Variants in SREBF2 observed in about 807,000 individuals in gnomAD.
SREBF2 encodes the protein sterol regulatory element-binding protein 2.
A neutral mutation model predicts 113.1 loss-of-function variants in SREBF2; 55 were observed. The ratio of observed to expected loss-of-function variants is 0.49; its 90% CI spans 0.39 to 0.61. The LOEUF is 0.61. SREBF2 is among the 20% of genes least tolerant of loss of function. The pLI is 0.00. For synonymous variants in SREBF2, 593 were observed against 605.7 expected (o/e 0.98, Z 0.31); for missense variants, 1,349 against 1,487.4 (o/e 0.91, Z 1.53).
At chr22:41,881,827 T>G (rs991934820) in intron 10 of SREBF2, among the ~76,000 whole-genome samples, 1 of 152,142 alleles carries the variant, frequency 6.6e-6, no homozygotes, top group Non-Finnish European at 1.5e-5. Flanking sequence ...GTCCCAGCAC[T>G]TTGGGAGACT....
At position 41,905,766 on chromosome 22, in the gene SREBF2, C is replaced by T. The variant is rs1374655370; in HGVS notation, c.*106C>T. ...GGAAGAGCCTTGTCTTCTTAGCTGT[C>T]ACCTGCCGAGGCTTCTGGGCCACTC... On this transcript the variant is annotated 3_prime_UTR_variant, in exon 19 of 19. Coordinates refer to ENST00000361204, the MANE Select transcript of SREBF2 (RefSeq NM_004599.4). 2.3e-6 allele frequency: 3 copies of T among 1,321,778 alleles called. No individual in the cohort carries two copies. The highest frequency in any genetic ancestry group is 2.5e-5 in the South Asian group (2 of 78,814). 81.9% of individuals were successfully genotyped at this position (1,321,778 alleles called of 1,614,324 possible). A position where few individuals can be genotyped will look rare whatever the true frequency, so the allele number is the denominator to read the frequency against.
Position 41,905,805 on chromosome 22 carries a change from C to T in SREBF2, c.*145C>T. On this transcript the variant is annotated 3_prime_UTR_variant, in exon 19 of 19. Transcript: ENST00000361204. Reference sequence around the variant, plus strand: ...TCTGGGCCACTCAGGCCAGTGCACCCCTGGGCAGAGCCCCTTAAAGCTGCT... The same window carrying T: ...TCTGGGCCACTCAGGCCAGTGCACCTCTGGGCAGAGCCCCTTAAAGCTGCT... The T allele has an allele frequency of 1.1e-6, 1 of 922,814 alleles. No homozygotes were observed. Among genetic ancestry groups the T allele is most frequent in the Non-Finnish European group, 1.7e-6 (1 of 577,278 alleles). The allele number at this position is 922,814 out of a possible 1,614,324, so 57.2% of individuals were successfully genotyped here.
intron 7 of SREBF2, among the ~76,000 whole-genome samples, chr22:41,876,551 C>T (rs138153764): frequency 7.9e-5 from 12 of 152,206 alleles, no homozygotes; most frequent in Non-Finnish European, 1.6e-4. Context: ...CACATTGGGG[C>T]GCAGGGGAGA....
intron 17 of SREBF2, chr22:41,904,602 G>A (rs1034126852): frequency 3.1e-6 from 2 of 655,436 alleles, no homozygotes; most frequent in African/African-American, 3.6e-5. Flanking sequence ...TGCGTCCAGG[G>A]CTTTCTTGTC....
At chr22:41,891,908 A>C (rs1301412235) in intron 11 of SREBF2, among the ~76,000 whole-genome samples, 3 of 152,222 alleles carry the variant, frequency 2.0e-5, no homozygotes, top group African/African-American at 7.2e-5. Flanking sequence ...AAAACGTGGT[A>C]GATGGTATTG....
intron 15 of SREBF2, chr22:41,900,016 A>G (rs2077451581): frequency 1.6e-6 from 2 of 1,284,900 alleles, no homozygotes; most frequent in Non-Finnish European, 2.0e-6. Context: ...TGGCCACTTT[A>G]TAGGTAAGGA....
At position 41,868,501 on chromosome 22, in the gene SREBF2, G is replaced by C. The variant is rs967052691; in HGVS notation, c.539-110G>C. The C allele has an allele frequency of 6.9e-4, 858 of 1,236,388 alleles. 5 individuals carry two copies. The highest frequency in any genetic ancestry group is 6.5e-3 in the Middle Eastern group (34 of 5,262). 76.6% of individuals were successfully genotyped at this position (1,236,388 alleles called of 1,614,324 possible). Reference sequence around the variant, plus strand: ...GCTGTGCACATCATCTTCAGCAGTAGGTGGGGAGTTGGAATCATTATGAGA... The same window carrying C: ...GCTGTGCACATCATCTTCAGCAGTACGTGGGGAGTTGGAATCATTATGAGA... On this transcript the variant is annotated intron_variant, in intron 2 of 18. Coordinates refer to ENST00000361204, the MANE Select transcript of SREBF2 (RefSeq NM_004599.4).
chr22:41,853,867 C>G (rs1014097286), intron 1 of SREBF2, among the ~76,000 whole-genome samples: 2 of 151,844 alleles, frequency 1.3e-5, no homozygotes, highest in Non-Finnish European at 2.9e-5. Context: ...AACCCCGTCT[C>G]TACTAAAAAT....
At chr22:41,890,672 A>ATT (rs376557873) in intron 11 of SREBF2, among the ~76,000 whole-genome samples, 2,803 of 147,360 alleles carry the variant, frequency 0.019, 85 homozygotes, top group African/African-American at 0.062. Flanking sequence ...TTAAAAAAAA[A>ATT]TTTTTTTTTT....
Position 41,900,604 on chromosome 22 carries a change from C to T in SREBF2, c.2907+106C>T, listed in dbSNP as rs560690965. On this transcript the variant is annotated intron_variant, in intron 16 of 18. Transcript: ENST00000361204. ...CCTGCGGGTGGGGCCATCCGAAAGA[C>T]AGAGAAACCAGGACAGCAGCCCCCT... The T allele has an allele frequency of 1.1e-5, 13 of 1,192,956 alleles. No individual in the cohort carries two copies. In the East Asian group the frequency reaches 3.2e-4, roughly 30 times the overall value. The allele number at this position is 1,192,956 out of a possible 1,614,324, so 73.9% of individuals were successfully genotyped here.
At position 41,873,701 on chromosome 22, in the gene SREBF2, C is replaced by G. The variant is rs956104796; in HGVS notation, c.868-97C>G. 4.8e-6 allele frequency: 6 copies of G among 1,241,284 alleles called. No homozygotes were observed. The East Asian group carries it at 1.3e-4, about 26-fold the overall frequency. 76.9% of individuals were successfully genotyped at this position (1,241,284 alleles called of 1,614,324 possible). Reference sequence around the variant, plus strand: ...CAGACCTCATGAAGTACTGCCAGGTCTGGCAGCACTTGGCCAAAGCGGGCA... The same window carrying G: ...CAGACCTCATGAAGTACTGCCAGGTGTGGCAGCACTTGGCCAAAGCGGGCA... On this transcript the variant is annotated intron_variant, in intron 4 of 18. Transcript: ENST00000361204.
At chr22:41,879,628 CTG>C (rs1171014355) in intron 9 of SREBF2, among the ~76,000 whole-genome samples, 2 of 152,220 alleles carry the variant, frequency 1.3e-5, no homozygotes, top group Non-Finnish European at 2.9e-5. Context: ...ACCTTAGAGA[CTG>C]TTGCTGTGAG....
At chr22:41,891,721 C>T (rs943954920) in intron 11 of SREBF2, among the ~76,000 whole-genome samples, 23 of 152,176 alleles carry the variant, frequency 1.5e-4, no homozygotes, top group African/African-American at 5.6e-4. Flanking sequence ...GTCTGCGGGC[C>T]TCGGCCTGGC....
chr22:41,880,757 G>C lies in SREBF2; in HGVS notation c.1803G>C (p.Leu601=), dbSNP rs1298864769. Reference sequence around the variant, plus strand: ...CTGCCGGCAACCTACAAACCTGCCTGGCAGTTTTGGGCCGGGCACTGCCCA... The same window carrying C: ...CTGCCGGCAACCTACAAACCTGCCTCGCAGTTTTGGGCCGGGCACTGCCCA... The part of the protein sequence containing the change: ...AAAAGNLQTC[L]AVLGRALPTS... The change falls in exon 10 of 19, where the codon CTG becomes CTC. Residue 601 remains leucine, a synonymous_variant. Transcript: ENST00000361204. 6.2e-7 allele frequency: 1 copy of C among 1,614,200 alleles called. No homozygotes were observed. Among genetic ancestry groups the C allele is most frequent in the South Asian group, 1.1e-5 (1 of 91,084 alleles).
Position 41,833,524 on chromosome 22 carries a change from C to A in SREBF2, c.88+166C>A. 1 of 531,194 alleles carries A rather than the reference C, an allele frequency of 1.9e-6. No homozygotes were observed. Among genetic ancestry groups the A allele is most frequent in the Non-Finnish European group, 3.1e-6 (1 of 317,938 alleles). The allele number at this position is 531,194 out of a possible 1,614,324, so 32.9% of individuals were successfully genotyped here. A position where few individuals can be genotyped will look rare whatever the true frequency, so the allele number is the denominator to read the frequency against. On this transcript the variant is annotated intron_variant, in intron 1 of 18. Transcript: ENST00000361204. The surrounding 1 kb of genome is among the most constrained non-coding windows in gnomAD (Gnocchi z 4.1). ...TCCTCAACCCTTCCGGCGCTGCGAG[C>A]GTGAGCCCGACCCAGCTGCGCCGCT...
At chr22:41,838,848 G>A (rs1175166039) in intron 1 of SREBF2, among the ~76,000 whole-genome samples, 2 of 152,198 alleles carry the variant, frequency 1.3e-5, no homozygotes, top group Admixed American at 6.5e-5. Context: ...GATGAAGGGT[G>A]ACAAATTTGG....
At position 41,903,031 on chromosome 22, in the gene SREBF2, A is replaced by G. The variant is rs1436527933; in HGVS notation, c.2969A>G (p.Gln990Arg). 5.0e-6 allele frequency: 8 copies of G among 1,610,448 alleles called. No homozygotes were observed. The highest frequency in any genetic ancestry group is 6.8e-6 in the Non-Finnish European group (8 of 1,178,694). ...CTACGGACAGCGCTCTGGCAAAAAC[A>G]GGCCAGTGCCAGCCAGGCTGTGGGG... The part of the protein sequence containing the change: ...LSLRTALWQK[Q>R]ASASQAVGET... The change falls in exon 17 of 19, where the codon CAG (glutamine) becomes CGG (arginine). Residue 990 changes from glutamine (Q) to arginine (R), a missense_variant. Transcript: ENST00000361204.
chr22:41,902,927 G>A (rs2077476747), intron 16 of SREBF2, 43 bp from the exon 17 acceptor site: 4 of 1,580,322 alleles, frequency 2.5e-6, no homozygotes, highest in Middle Eastern at 1.7e-4. Context: ...CCTCAGGGAT[G>A]GGCCAGTCAC....
intron 1 of SREBF2, among the ~76,000 whole-genome samples, chr22:41,844,033 T>TACACACACACACACACACAC (rs71311415): frequency 6.5e-5 from 8 of 123,106 alleles, no homozygotes; most frequent in East Asian, 2.2e-4. Context: ...AAAAAATACA[T>TACACACACACACACACACAC]ACACACACAC....
Sources: gnomAD v4.1 joint callset for allele counts (sites outside exome capture counted in the v4.1 genomes callset) on GRCh38, gnomAD v4.1.1 for gene constraint, Gnocchi (gnomAD v3.1) non-coding constraint, MANE v1.5 for transcripts, NCBI Gene and HGNC (gene_info 2026-07-23, HGNC 2026-07-21) for gene names.